HMOX1: variants seen among roughly 807,000 people sequenced by gnomAD.
HMOX1 encodes heat shock protein, 32-kD.
In HMOX1, 22 loss-of-function variants were observed where a neutral mutation model predicts 27.8. The observed-to-expected ratio is 0.79, with a 90% CI of 0.57 to 1.13. HMOX1 has a LOEUF of 1.13. Ranked by LOEUF, HMOX1 falls within the 50% of genes most tolerant of loss-of-function variation. The probability of loss-of-function intolerance (pLI) is 0.00; values close to 1 mark genes in which losing one functional copy is unlikely to be tolerated. For synonymous variants in HMOX1, 153 were observed against 151.6 expected, an observed-to-expected ratio of 1.01 and a Z score of -0.07; for missense variants, 379 against 377.7, an observed-to-expected ratio of 1.00 and a Z score of -0.03.
rs772833576 is a variant in HMOX1 at position 35,393,987 on chromosome 22, C to A, written c.*389C>A. On this transcript the variant is annotated 3_prime_UTR_variant, in exon 5 of 5. Transcript: ENST00000216117. ...TGGGCCATGGCAATTTTTACACAAA[C>A]CTGAAAAGATGTTGTGTCTTGTGTT... 3.4e-4 allele frequency: 112 copies of A among 328,968 alleles called. No individual in the cohort carries two copies. The highest frequency in any genetic ancestry group is 6.5e-4 in the Non-Finnish European group (108 of 167,186). The allele number at this position is 328,968 out of a possible 1,614,324, so 20.4% of individuals were successfully genotyped here.
rs752370833 is a variant in HMOX1 at position 35,393,568 on chromosome 22, G to A, written c.837G>A (p.Ala279=). 30 of 1,614,202 alleles carry A rather than the reference G, an allele frequency of 1.9e-5. No individual in the cohort carries two copies. The highest frequency in any genetic ancestry group is 2.4e-5 in the Non-Finnish European group (28 of 1,180,024). The change falls in exon 5 of 5, where the codon GCG becomes GCA. Residue 279 remains alanine, a synonymous_variant. Transcript: ENST00000216117. ...RWVLTLSFLV[A]TVAVGLYAM ...TCCTTACACTCAGCTTTCTGGTGGC[G>A]ACAGTTGCTGTAGGGCTTTATGCCA...
At chr22:35,381,416 G>A in intron 1 of HMOX1, 1 of 612,998 alleles carries the variant, frequency 1.6e-6, no homozygotes, top group Non-Finnish European at 2.9e-6. Context: ...GTATGCGGTT[G>A]GTGACCAAGA....
chr22:35,382,445 G>T (rs1931405678), intron 1 of HMOX1, among the ~76,000 whole-genome samples: 1 of 151,886 alleles, frequency 6.6e-6, no homozygotes, highest in Admixed American at 6.6e-5. Flanking sequence ...TCTGCCTCCT[G>T]GGTTCAAGCG....
intron 2 of HMOX1, among the ~76,000 whole-genome samples, chr22:35,384,250 T>G (rs1931455066): frequency 6.6e-6 from 1 of 151,746 alleles, no homozygotes; most frequent in Non-Finnish European, 1.5e-5. Flanking sequence ...CCTGGCCAAT[T>G]TTTGTATTTT....
intron 4 of HMOX1, 38 bp from the exon 5 acceptor site, chr22:35,393,430 C>A: frequency 6.2e-7 from 1 of 1,613,792 alleles, no homozygotes; most frequent in Admixed American, 1.7e-5. Context: ...CTGATGCACG[C>A]CCACCTGTTA....
chr22:35,387,008 C>G lies in HMOX1; in HGVS notation c.468C>G (p.Asp156Glu). ...VLKKIAQKAL[D>E]LPSSGEGLAF... is the part of the protein sequence containing the mutation. ...AAAAGATTGCCCAGAAAGCCCTGGA[C>G]CTGCCCAGCTCTGGCGAGGGCCTGG... Residue 156 changes from aspartate (D) to glutamate (E), a missense_variant, in exon 3 of 5, where the codon GAC (aspartate) becomes GAG (glutamate). Transcript: ENST00000216117. 6.2e-7 allele frequency: 1 copy of G among 1,613,906 alleles called. No individual in the cohort carries two copies.
chr22:35,383,553 CAG>C (rs1026804745), intron 2 of HMOX1, among the ~76,000 whole-genome samples: 2 of 152,116 alleles, frequency 1.3e-5, no homozygotes, highest in African/African-American at 4.8e-5. Context: ...CTGGAAGGCT[CAG>C]AGAGGTTCAG....
intron 3 of HMOX1, among the ~76,000 whole-genome samples, chr22:35,389,249 TTTCTCTCTCTC>T (rs1931599858): frequency 8.2e-6 from 1 of 121,526 alleles, no homozygotes; most frequent in African/African-American, 4.3e-5. Context: ...TTTTCTTTCT[TTTCTCTCTCTC>T]TCTCTCTCTC....
chr22:35,383,785 C>T (rs923293125), intron 2 of HMOX1, among the ~76,000 whole-genome samples: 5 of 152,162 alleles, frequency 3.3e-5, no homozygotes, highest in African/African-American at 1.2e-4. Flanking sequence ...CACGTTTTCC[C>T]CATCTGTAAA....
rs542228499 is a variant in HMOX1, at chr22:35,393,405, A to G, written c.737-63A>G. ...TGAGGCCGCTCTGCTTTGCTTTCCT[A>G]TGACATCAGACACCCTGATGCACGC... On this transcript the variant is annotated intron_variant, in intron 4 of 4. Transcript: ENST00000216117. The G allele has an allele frequency of 3.9e-4, 628 of 1,607,696 alleles. 11 individuals carry two copies. The South Asian group carries it at 5.9e-3, about 15-fold the overall frequency.
At chr22:35,391,612 G>C (rs1359459550) in intron 4 of HMOX1, among the ~76,000 whole-genome samples, 2 of 11,550 alleles carry the variant, frequency 1.7e-4, no homozygotes, top group African/African-American at 5.0e-4. Context: ...TTTTTTTTTT[G>C]AGACAGGGTC....
At chr22:35,382,306 C>A (rs1365230797) in intron 1 of HMOX1, among the ~76,000 whole-genome samples, 2 of 150,818 alleles carry the variant, frequency 1.3e-5, no homozygotes, top group Admixed American at 6.6e-5. Flanking sequence ...CCACCATGCC[C>A]AGCCTGAATT....
At chr22:35,391,257 CA>C (rs55889923) in intron 4 of HMOX1, among the ~76,000 whole-genome samples, 42,644 of 151,520 alleles carry the variant, frequency 0.28, 6,411 homozygotes, top group East Asian at 0.45. Context: ...TCTGTGAGGA[CA>C]AAGCATTTTT....
intron 4 of HMOX1, among the ~76,000 whole-genome samples, chr22:35,390,718 A>G (rs1931695294): frequency 6.6e-6 from 1 of 152,142 alleles, no homozygotes; most frequent in Non-Finnish European, 1.5e-5. Flanking sequence ...AAATCATGGG[A>G]AACTCCTGCC....
At chr22:35,390,340 C>T (rs1348696175) in intron 4 of HMOX1, 6 of 312,306 alleles carry the variant, frequency 1.9e-5, no homozygotes, top group Non-Finnish European at 3.1e-5. Flanking sequence ...TATCCTGCCT[C>T]AGCCCCCCGA....
chr22:35,383,431 G>A (rs904084066), intron 2 of HMOX1, among the ~76,000 whole-genome samples: 2 of 152,080 alleles, frequency 1.3e-5, no homozygotes, highest in African/African-American at 4.8e-5. Context: ...GCTCTGTAAT[G>A]TTGTGGAGGG....
chr22:35,389,385 TTC>T lies in HMOX1; in HGVS notation c.637-478_637-477del, dbSNP rs1569057569. On this transcript the variant is annotated intron_variant, in intron 3 of 4. Transcript: ENST00000216117. ...CTTCCTTCCTTCCTTCCTTCCTTCC[TTC>T]CTTCCTTCCTTTCTTTCTTTCTTTC... Among the ~76,000 whole-genome samples the T allele has an allele frequency of 1.5e-3, 109 of 75,064 alleles. 4 individuals are homozygous for T. Among genetic ancestry groups the T allele is most frequent in the Middle Eastern group, 4.8e-3 (1 of 208 alleles). 49.2% of individuals were successfully genotyped at this position (75,064 alleles called of 152,430 possible). A position where few individuals can be genotyped will look rare whatever the true frequency, so the allele number is the denominator to read the frequency against.
intron 2 of HMOX1, among the ~76,000 whole-genome samples, chr22:35,385,594 C>T (rs1018056276): frequency 6.6e-6 from 1 of 150,602 alleles, no homozygotes; most frequent in South Asian, 2.1e-4. Context: ...CATGCACCCC[C>T]ACAGCCATAC....
intron 4 of HMOX1, among the ~76,000 whole-genome samples, chr22:35,391,689 G>GT (rs1461373431): frequency 7.0e-6 from 1 of 143,550 alleles, no homozygotes; most frequent in African/African-American, 2.7e-5. Context: ...AACCTCCCAG[G>GT]TTCAAGGGAT....
Sources: gnomAD v4.1 joint callset for allele counts (sites outside exome capture counted in the v4.1 genomes callset) on GRCh38, gnomAD v4.1.1 for gene constraint, MANE v1.5 for transcripts, NCBI Gene and HGNC (gene_info 2026-07-23, HGNC 2026-07-21) for gene names.